The following PARG variants were observed in gnomAD, a reference collection of about 807,000 sequenced individuals.
The protein encoded by PARG is poly(ADP-ribose) glycohydrolase, also known as mitochondrial poly(ADP-ribose) glycohydrolase.
In PARG, 35 loss-of-function variants were observed where a neutral mutation model predicts 113.0. The observed-to-expected ratio is 0.31, with a 90% CI of 0.24 to 0.41. The LOEUF (loss-of-function observed/expected upper bound fraction) is 0.41, where lower values mean the gene tolerates loss of function less well. Among genes scored for constraint, PARG ranks in the 10% least tolerant of loss-of-function variants. The pLI is 1.00. For synonymous variants in PARG, 330 were observed against 409.9 expected, an observed-to-expected ratio of 0.81 and a Z score of 2.36; for missense variants, 797 against 1,169.4, an observed-to-expected ratio of 0.68 and a Z score of 4.64.
At chr10:49,903,789 A>G (rs1349327585) in intron 7 of PARG, among the ~76,000 whole-genome samples, 4 of 151,510 alleles carry the variant, frequency 2.6e-5, no homozygotes, top group Non-Finnish European at 4.4e-5. Context: ...TCAAGCAGGA[A>G]AAGTGGCATG....
rs189007141 is a variant in PARG, at chr10:49,914,884, T to A, written c.1737+1033A>T. ...GTGCTGGGACAACTTGTTATCCACA[T>A]GCAAAATAATGAAGTTGAACTCCTA... On this transcript the variant is annotated intron_variant, in intron 7 of 17. Coordinates refer to ENST00000616448, the MANE Select transcript of PARG (RefSeq NM_003631.5). Among the ~76,000 whole-genome samples the A allele has an allele frequency of 4.1e-3, 628 of 152,270 alleles. 5 individuals carry two copies. Among genetic ancestry groups the A allele is most frequent in the African/African-American group, 0.014 (583 of 41,542 alleles).
chr10:49,819,640 A>AAGG, intron 17 of PARG, 146 bp from the exon 18 acceptor site: 1 of 636,444 alleles, frequency 1.6e-6, no homozygotes, highest in Admixed American at 2.9e-5. Flanking sequence ...ATATGCCTGA[A>AAGG]AGGCTTTCCC....
intron 16 of PARG, among the ~76,000 whole-genome samples, chr10:49,829,393 C>A (rs1280486321): frequency 6.6e-6 from 1 of 152,096 alleles, no homozygotes; most frequent in Non-Finnish European, 1.5e-5. Flanking sequence ...CCATTGTGCT[C>A]AGCTTAGCCT....
intron 1 of PARG, among the ~76,000 whole-genome samples, chr10:49,936,366 G>A (rs1404790815): frequency 2.6e-5 from 4 of 152,100 alleles, no homozygotes; most frequent in Non-Finnish European, 4.4e-5. Flanking sequence ...GAAGAAATAC[G>A]ATTAGGTCGA....
chr10:49,852,502 G>A (rs1845800016), intron 13 of PARG, among the ~76,000 whole-genome samples: 1 of 150,720 alleles, frequency 6.6e-6, no homozygotes, highest in African/African-American at 2.4e-5. Flanking sequence ...CAAGGAAAAT[G>A]ACATCCTTTA....
chr10:49,923,007 A>G lies in PARG; in HGVS notation c.1456-338T>C, dbSNP rs560667243. Among the ~76,000 whole-genome samples the G allele has an allele frequency of 4.8e-4, 73 of 152,366 alleles. 1 individual carries two copies. The East Asian group carries it at 0.011, about 22-fold the overall frequency. On this transcript the variant is annotated intron_variant, in intron 4 of 17. Coordinates refer to ENST00000616448, the MANE Select transcript of PARG (RefSeq NM_003631.5). The stretch of plus-strand genomic sequence containing the variant: ...AAAGAACTCCCAGGCTTCTAATGCT[A>G]TAACGCCTATACTCTGATTCTAAGT...
intron 7 of PARG, among the ~76,000 whole-genome samples, chr10:49,890,452 C>T (rs759288169): frequency 3.9e-5 from 6 of 152,120 alleles, no homozygotes; most frequent in African/African-American, 7.2e-5. Context: ...TAAACAAATA[C>T]CTGAGGAACT....
At chr10:49,850,521 G>A (rs1845713659) in intron 13 of PARG, among the ~76,000 whole-genome samples, 1 of 152,200 alleles carries the variant, frequency 6.6e-6, no homozygotes, top group Non-Finnish European at 1.5e-5. Context: ...ACTCGAGGGT[G>A]AAAAGCAACC....
chr10:49,904,293 T>C (rs1283573142), intron 7 of PARG, among the ~76,000 whole-genome samples: 2 of 151,762 alleles, frequency 1.3e-5, no homozygotes, highest in South Asian at 2.1e-4. Flanking sequence ...AATAGTCAAT[T>C]AGAAGATGGC....
chr10:49,842,507 T>A (rs1025956891), intron 14 of PARG, among the ~76,000 whole-genome samples: 1 of 152,186 alleles, frequency 6.6e-6, no homozygotes, highest in Non-Finnish European at 1.5e-5. Context: ...CAGGAAATAA[T>A]CCTAAGAAGT....
intron 7 of PARG, among the ~76,000 whole-genome samples, chr10:49,914,724 G>A (rs1837373062): frequency 6.6e-6 from 1 of 152,188 alleles, no homozygotes; most frequent in South Asian, 2.1e-4. Context: ...CCAAGACTGT[G>A]TGGTACTGGC....
chr10:49,924,769 C>T (rs1446336691), intron 4 of PARG, among the ~76,000 whole-genome samples: 1 of 151,888 alleles, frequency 6.6e-6, no homozygotes, highest in Non-Finnish European at 1.5e-5. Flanking sequence ...ATACCAAGCT[C>T]TGAAAGAAAC....
chr10:49,842,154 T>A, intron 14 of PARG, 96 bp from the exon 15 acceptor site: 1 of 780,248 alleles, frequency 1.3e-6, no homozygotes, highest in Non-Finnish European at 2.1e-6. Context: ...TTAGCTCTGT[T>A]AAAATATTAA....
intron 16 of PARG, among the ~76,000 whole-genome samples, chr10:49,829,037 C>G (rs1269885094): frequency 6.6e-6 from 1 of 152,102 alleles, no homozygotes; most frequent in East Asian, 1.9e-4. Flanking sequence ...GAGTTCGAGA[C>G]CAGCTTGGCC....
At chr10:49,884,893 AAGAG>A (rs373312893) in intron 8 of PARG, among the ~76,000 whole-genome samples, 4 of 144,814 alleles carry the variant, frequency 2.8e-5, no homozygotes, top group Admixed American at 2.1e-4. Flanking sequence ...TATTTAAACA[AAGAG>A]AGAAAAAAGT....
chr10:49,937,559 CT>C (rs1838814544), intron 1 of PARG, among the ~76,000 whole-genome samples: 1 of 151,904 alleles, frequency 6.6e-6, no homozygotes, highest in African/African-American at 2.4e-5. Context: ...GTTAAAACAT[CT>C]TTTTTCCATA....
intron 6 of PARG, among the ~76,000 whole-genome samples, chr10:49,917,479 A>T (rs1330938655): frequency 7.3e-6 from 1 of 136,388 alleles, no homozygotes; most frequent in Non-Finnish European, 1.6e-5. Context: ...ACAGAGCGAG[A>T]CTCCGTCTCA....
intron 13 of PARG, among the ~76,000 whole-genome samples, chr10:49,851,782 A>C (rs1179577522): frequency 2.0e-4 from 15 of 76,542 alleles, no homozygotes; most frequent in African/African-American, 5.9e-4. Context: ...AAGAGAAGAC[A>C]AAAAAAAAAA....
intron 15 of PARG, among the ~76,000 whole-genome samples, chr10:49,839,281 GAACTGAGACCA>G (rs1298509747): frequency 6.6e-6 from 1 of 150,568 alleles, no homozygotes; most frequent in Admixed American, 6.6e-5. Context: ...AAGTTGCAGT[GAACTGAGACCA>G]CGCCATTGTA....
Sources: gnomAD v4.1 joint callset for allele counts (sites outside exome capture counted in the v4.1 genomes callset) on GRCh38, gnomAD v4.1.1 for gene constraint, MANE v1.5 for transcripts, NCBI Gene and HGNC (gene_info 2026-07-23, HGNC 2026-07-21) for gene names.